ADGRG4: variants seen among roughly 807,000 people sequenced by gnomAD.
ADGRG4 encodes the protein G protein-coupled receptor 112.
In ADGRG4, 122 loss-of-function variants were observed where a neutral mutation model predicts 126.2. That is an observed-to-expected ratio of 0.97 (90% CI 0.83 to 1.12). The LOEUF (loss-of-function observed/expected upper bound fraction) is 1.12, where lower values mean the gene tolerates loss of function less well. Among genes scored for constraint, ADGRG4 ranks in the 50% most tolerant of loss-of-function variants. ADGRG4 has a pLI of 0.00. For synonymous variants in ADGRG4, 943 were observed against 838.7 expected (o/e 1.12, Z -2.15); for missense variants, 2,481 against 2,251.8 (o/e 1.10, Z -2.06).
At chrX:136,328,403 A>G (rs969973173) in intron 5 of ADGRG4, among the ~76,000 whole-genome samples, 2 of 111,970 alleles carry the variant, frequency 1.8e-5, no homozygotes, top group South Asian at 3.7e-4. Flanking sequence ...CCTAATCTCA[A>G]CTCAGACACA....
intron 5 of ADGRG4, among the ~76,000 whole-genome samples, chrX:136,343,241 T>C (rs1190650108): frequency 9.0e-6 from 1 of 110,728 alleles, no homozygotes; most frequent in African/African-American, 3.3e-5. Context: ...TAATGTATGA[T>C]AGTGTAGGGC....
chrX:136,345,017 C>A lies in ADGRG4; in HGVS notation c.1311C>A (p.Phe437Leu), dbSNP rs371997210. The A allele has an allele frequency of 3.3e-6, 4 of 1,209,856 alleles. No individual in the cohort carries two copies. In the African/African-American group the frequency reaches 5.2e-5, roughly 16 times the overall value. Residue 437 changes from phenylalanine (F) to leucine (L), a missense_variant, in exon 6 of 26, where the codon TTC becomes TTA. Phe to Leu is a conservative substitution (Grantham distance 22, BLOSUM62 0). Transcript: ENST00000394143. ...ALPISTAGQEFIESTAAGTVP... is the reference protein window; with the variant it reads ...ALPISTAGQELIESTAAGTVP... Reference sequence around the variant, plus strand: ...CTATCTCCACAGCTGGCCAGGAGTTCATTGAATCTACAGCTGCCGGAACTG... The same window carrying A: ...CTATCTCCACAGCTGGCCAGGAGTTAATTGAATCTACAGCTGCCGGAACTG...
chrX:136,358,686 C>T (rs1360211274), intron 10 of ADGRG4, among the ~76,000 whole-genome samples: 1 of 111,466 alleles, frequency 9.0e-6, no homozygotes, highest in Non-Finnish European at 1.9e-5. Flanking sequence ...CATTATTTCC[C>T]TGAGGCTGAG....
chrX:136,353,505 C>A, intron 8 of ADGRG4, 104 bp downstream of exon 8: 1 of 554,564 alleles, frequency 1.8e-6, no homozygotes, highest in Non-Finnish European at 3.0e-6. Flanking sequence ...AGATTTAGGG[C>A]TGCCACATTT....
chrX:136,380,599 TC>T (rs1569332951), intron 15 of ADGRG4, among the ~76,000 whole-genome samples: 37 of 84,213 alleles, frequency 4.4e-4, no homozygotes, highest in African/African-American at 1.3e-3. Flanking sequence ...CTCCTCCTCC[TC>T]CTCCTCTTCT....
At position 136,351,489 on chromosome X, in the gene ADGRG4, A is replaced by G; in HGVS notation, c.6770A>G (p.Glu2257Gly). 8.5e-7 allele frequency: 1 copy of G among 1,170,885 alleles called. No individual in the cohort carries two copies. Among genetic ancestry groups the G allele is most frequent in the Non-Finnish European group, 1.2e-6 (1 of 869,443 alleles). ...GAAATGAGCTTCTCTGTCTTTGTTG[A>G]AGAGCCAAGGATCCCTATTACCAGT... ...NVEMSFSVFV[E>G]EPRIPITSVI... Residue 2257 changes from glutamate to glycine, a missense_variant, in exon 7 of 26, where the codon GAA becomes GGA. Physicochemically the swap from Glu to Gly is moderately conservative, Grantham distance 98. Coordinates refer to ENST00000394143, the MANE Select transcript of ADGRG4 (RefSeq NM_153834.4).
rs763154051 is a variant in ADGRG4 at position 136,371,438 on chromosome X, T to C, written c.7507T>C (p.Cys2503Arg). Residue 2503 changes from cysteine (C) to arginine (R), a missense_variant, in exon 14 of 26, where the codon TGT becomes CGT. Coordinates refer to ENST00000394143, the MANE Select transcript of ADGRG4 (RefSeq NM_153834.4). Reference sequence around the variant, plus strand: ...TTCTAAAATATCAGATATTTCACAATGTGATGAGATAAGTATGAACCTAAC... The same window carrying C: ...TTCTAAAATATCAGATATTTCACAACGTGATGAGATAAGTATGAACCTAAC... ...IVSKISDISQ[C>R]DEISMNLTHV... The C allele has an allele frequency of 8.4e-7, 1 of 1,188,949 alleles. No homozygotes were observed. The highest frequency in any genetic ancestry group is 3.0e-5 in the East Asian group (1 of 33,700).
intron 5 of ADGRG4, among the ~76,000 whole-genome samples, chrX:136,324,886 T>C (rs1434965203): frequency 1.8e-5 from 2 of 112,100 alleles, no homozygotes; most frequent in Non-Finnish European, 3.8e-5. Context: ...ACCAATTCAT[T>C]TTTTCTTCTG....
At chrX:136,325,711 CTTTT>C (rs142748862) in intron 5 of ADGRG4, among the ~76,000 whole-genome samples, 1 of 92,008 alleles carries the variant, frequency 1.1e-5, no homozygotes, top group Non-Finnish European at 2.1e-5. Flanking sequence ...CTTTTGTACA[CTTTT>C]TTTTTTTTTT....
chrX:136,392,320 T>G lies in ADGRG4; in HGVS notation c.8000T>G (p.Val2667Gly), dbSNP rs776162441. Residue 2667 changes from valine (V) to glycine (G), a missense_variant, in exon 17 of 26, where the codon GTG (valine) becomes GGG (glycine). Val to Gly is a moderately radical substitution (Grantham distance 109, BLOSUM62 -3). Coordinates refer to ENST00000394143, the MANE Select transcript of ADGRG4 (RefSeq NM_153834.4). ...TTCATTCAAAACTTAGCTGACCCAG[T>G]GGTTATCACTCTGCAGCATATTGGA... ...DMFIQNLADP[V>G]VITLQHIGGN... The G allele has an allele frequency of 1.7e-6, 2 of 1,181,285 alleles. No individual in the cohort carries two copies. Among genetic ancestry groups the G allele is most frequent in the East Asian group, 6.0e-5 (2 of 33,179 alleles).
intron 16 of ADGRG4, among the ~76,000 whole-genome samples, chrX:136,389,847 G>A (rs1272824806): frequency 8.9e-6 from 1 of 111,923 alleles, no homozygotes; most frequent in East Asian, 2.8e-4. Context: ...AGACCTAAAT[G>A]TTCTAACATT....
intron 5 of ADGRG4, among the ~76,000 whole-genome samples, chrX:136,329,236 A>T (rs902071663): frequency 9.0e-6 from 1 of 111,651 alleles, no homozygotes; most frequent in African/African-American, 3.3e-5. Flanking sequence ...CGACACATAG[A>T]TTTAATATGA....
At chrX:136,361,323 A>T in intron 11 of ADGRG4, 132 bp from the exon 12 acceptor site, 1 of 248,469 alleles carries the variant, frequency 4.0e-6, no homozygotes, top group Non-Finnish European at 6.1e-6. Flanking sequence ...GCTGATCTTT[A>T]CGTGCAGCAT....
chrX:136,410,717 G>A (rs1240712950), intron 23 of ADGRG4, among the ~76,000 whole-genome samples: 1 of 111,605 alleles, frequency 9.0e-6, no homozygotes, highest in African/African-American at 3.3e-5. Flanking sequence ...TACATTTATT[G>A]AGCGGCCGCA....
intron 3 of ADGRG4, among the ~76,000 whole-genome samples, chrX:136,307,746 A>G (rs759326303): frequency 1.8e-5 from 2 of 112,777 alleles, no homozygotes; most frequent in South Asian, 7.3e-4. Context: ...TCAGAAGTAT[A>G]TTTCATTTAA....
chrX:136,332,580 C>T (rs1167376857), intron 5 of ADGRG4, among the ~76,000 whole-genome samples: 1 of 111,137 alleles, frequency 9.0e-6, no homozygotes, highest in Non-Finnish European at 1.9e-5. Context: ...GGAGTCGCCA[C>T]ACTGACTTCC....
intron 8 of ADGRG4, among the ~76,000 whole-genome samples, chrX:136,354,168 G>C: frequency 8.9e-6 from 1 of 112,016 alleles, no homozygotes; most frequent in East Asian, 2.8e-4. Flanking sequence ...ATATTAATAG[G>C]TTCAAGAAAA....
intron 13 of ADGRG4, among the ~76,000 whole-genome samples, chrX:136,364,665 G>A (rs1427733827): frequency 2.7e-5 from 3 of 111,660 alleles, no homozygotes; most frequent in Non-Finnish European, 5.6e-5. Flanking sequence ...ATGTTTGATA[G>A]TGTATAAGAT....
rs377307988 is a variant in ADGRG4 at position 136,403,251 on chromosome X, G to A, written c.8583G>A (p.Pro2861=). 4.1e-5 allele frequency: 49 copies of A among 1,208,158 alleles called. No individual in the cohort carries two copies. Among genetic ancestry groups the A allele is most frequent in the Admixed American group, 6.5e-5 (3 of 45,832 alleles). Residue 2861 remains proline, a synonymous_variant, in exon 22 of 26, where the codon CCG becomes CCA. Transcript: ENST00000394143. ...CTTGCTTTCCCACTGCAGGAATCCCGGCTATCATGGTGGCAATCACAGTCA... is the reference window on the plus strand; with the variant it reads ...CTTGCTTTCCCACTGCAGGAATCCCAGCTATCATGGTGGCAATCACAGTCA... ...LKFCLVGWGI[P]AIMVAITVSV...
Sources: allele counts gnomAD v4.1 joint callset (sites outside exome capture counted in the v4.1 genomes callset), GRCh38; gene constraint gnomAD v4.1.1; transcripts MANE v1.5; gene names NCBI Gene and HGNC (gene_info 2026-07-23, HGNC 2026-07-21).